PCDHGA7: variants seen among roughly 807,000 people sequenced by gnomAD.
The protein encoded by PCDHGA7 is protocadherin gamma-A7.
PCDHGA7 carries 44 observed loss-of-function variants against 58.3 expected under a neutral mutation model. The ratio of observed to expected loss-of-function variants is 0.75; its 90% CI spans 0.59 to 0.97. The LOEUF (loss-of-function observed/expected upper bound fraction) is 0.97. Among genes scored for constraint, PCDHGA7 ranks in the 50% least tolerant of loss-of-function variants. The pLI is 0.00. For missense variants in PCDHGA7, 1,266 were observed against 1,188.7 expected (o/e 1.06, Z -0.96); for synonymous variants, 516 against 504.2 (o/e 1.02, Z -0.31).
intron 1 of PCDHGA7, chr5:141,400,372 A>G: frequency 6.2e-7 from 1 of 1,613,980 alleles, no homozygotes; most frequent in Non-Finnish European, 8.5e-7. Flanking sequence ...TTATTCCTAC[A>G]ACCTATGTGT....
chr5:141,409,018 G>T lies in PCDHGA7; in HGVS notation c.2424+23695G>T, dbSNP rs369210340. The T allele has an allele frequency of 4.0e-5, 64 of 1,613,814 alleles. No individual in the cohort carries two copies. The Admixed American group carries it at 1.1e-3, about 27-fold the overall frequency. ...TGACAGCCACTGACCAGGATGAGGG[G>T]GTCAATGCTGAGATAAACTACTACT... On this transcript the variant is annotated intron_variant, in intron 1 of 3. Transcript: ENST00000518325.
At chr5:141,427,777 C>A in intron 1 of PCDHGA7, 1 of 1,432,382 alleles carries the variant, frequency 7.0e-7, no homozygotes, top group Non-Finnish European at 9.7e-7. Flanking sequence ...GAGCTGCGGG[C>A]ACTGTCGTCC....
rs564197257 is a variant in PCDHGA7, at chr5:141,458,715, A to G, written c.2425-36092A>G. On this transcript the variant is annotated intron_variant, in intron 1 of 3. Coordinates refer to ENST00000518325, the MANE Select transcript of PCDHGA7 (RefSeq NM_018920.4). ...CTCCCGAGTAGCTGGGATTACAGGT[A>G]TTCGCCACCACATCCAGCTATTGGT... Among the ~76,000 whole-genome samples the G allele has an allele frequency of 3.9e-5, 6 of 152,082 alleles. No homozygotes were observed. The East Asian group carries it at 9.7e-4, about 25-fold the overall frequency.
At chr5:141,401,919 G>A (rs2150915658) in intron 1 of PCDHGA7, among the ~76,000 whole-genome samples, 1 of 152,224 alleles carries the variant, frequency 6.6e-6, no homozygotes, top group Non-Finnish European at 1.5e-5. Context: ...ATAAGTTTAA[G>A]TGATGCTTAG....
chr5:141,477,808 C>T lies in PCDHGA7; in HGVS notation c.2425-16999C>T, dbSNP rs750186099. 2.5e-6 allele frequency: 4 copies of T among 1,613,994 alleles called. No individual in the cohort carries two copies. In the African/African-American group the frequency reaches 4.0e-5, roughly 16 times the overall value. On this transcript the variant is annotated intron_variant, in intron 1 of 3. Coordinates refer to ENST00000518325, the MANE Select transcript of PCDHGA7 (RefSeq NM_018920.4). The surrounding 1 kb of genome is among the most constrained non-coding windows in gnomAD (Gnocchi z 4.9). ...TTGTCACTGATCGCAATGACAATGC[C>T]CCCCAGGTCCTATATCCTCGGCCAG...
rs930695301 is a variant in PCDHGA7, at chr5:141,472,874, T to C, written c.2425-21933T>C. On this transcript the variant is annotated intron_variant, in intron 1 of 3. Coordinates refer to ENST00000518325, the MANE Select transcript of PCDHGA7 (RefSeq NM_018920.4). ...GGTGGCACATGCCTGTATTCCCAGC[T>C]ACTCGGGAGGCTGAGGCAGGAGAAT... Among the ~76,000 whole-genome samples, 5 of 150,448 alleles carry C rather than the reference T, an allele frequency of 3.3e-5. No homozygotes were observed. In the Admixed American group the frequency reaches 3.3e-4, roughly 10 times the overall value.
At chr5:141,412,189 T>C (rs560869081) in intron 1 of PCDHGA7, 21 of 152,370 alleles carry the variant, frequency 1.4e-4, no homozygotes, top group Admixed American at 1.2e-3. Context: ...AATGCTCTGA[T>C]GAAAACAGGT....
At chr5:141,500,582 T>G (rs534297929) in intron 2 of PCDHGA7, among the ~76,000 whole-genome samples, 29 of 152,314 alleles carry the variant, frequency 1.9e-4, no homozygotes, top group African/African-American at 6.7e-4. Flanking sequence ...ATGTGACACT[T>G]TATTCACATA....
chr5:141,450,581 G>A (rs2098686464), intron 1 of PCDHGA7, among the ~76,000 whole-genome samples: 1 of 151,878 alleles, frequency 6.6e-6, no homozygotes, highest in Non-Finnish European at 1.5e-5. Context: ...CTGCCTCCCA[G>A]GTTCAAGCAA....
At chr5:141,488,978 C>T (rs1346335195) in intron 1 of PCDHGA7, 4 of 388,976 alleles carry the variant, frequency 1.0e-5, no homozygotes, top group African/African-American at 2.1e-5. Flanking sequence ...GCCAATCAGA[C>T]TCAGAGCTGA....
rs549266523 is a variant in PCDHGA7 at position 141,408,917 on chromosome 5, C to A, written c.2424+23594C>A. ...TTCTGTCAAGGATACCAATGATAAC[C>A]CCCCGGTTTTCAGCAGAGACGAATA... On this transcript the variant is annotated intron_variant, in intron 1 of 3. Coordinates refer to ENST00000518325, the MANE Select transcript of PCDHGA7 (RefSeq NM_018920.4). 12 of 1,613,366 alleles carry A rather than the reference C, an allele frequency of 7.4e-6. No homozygotes were observed. In the African/African-American group the frequency reaches 1.6e-4, roughly 22 times the overall value.
At chr5:141,427,838 C>T (rs978867590) in intron 1 of PCDHGA7, 4 of 1,546,186 alleles carry the variant, frequency 2.6e-6, no homozygotes, top group Non-Finnish European at 1.8e-6. Flanking sequence ...AGCGTGCCTT[C>T]GACCACGAGC....
Position 141,431,336 on chromosome 5 carries a change from G to C in PCDHGA7, c.2424+46013G>C, listed in dbSNP as rs1187672228. ...TGGAGCCGACGGTAGTAAGTACCCC[G>C]AATTGGTGCTGAAACGCGCCCTGGA... On this transcript the variant is annotated intron_variant, in intron 1 of 3. Transcript: ENST00000518325. The surrounding 1 kb of genome is among the most constrained non-coding windows in gnomAD (Gnocchi z 4.8). 2.5e-6 allele frequency: 4 copies of C among 1,613,956 alleles called. No individual in the cohort carries two copies. The East Asian group carries it at 6.7e-5, about 27-fold the overall frequency.
chr5:141,471,204 C>T (rs1349368582), intron 1 of PCDHGA7: 2 of 151,866 alleles, frequency 1.3e-5, no homozygotes, highest in African/African-American at 4.8e-5. Flanking sequence ...CACCCACCCC[C>T]ATGCCTGGCA....
intron 1 of PCDHGA7, chr5:141,427,308 G>A (rs2097014480): frequency 2.2e-6 from 1 of 456,846 alleles, no homozygotes; most frequent in Non-Finnish European, 4.4e-6. Flanking sequence ...GAATGACAAT[G>A]CCCCAGACGT....
chr5:141,415,740 GTTTTTTTTTTTTTTTTT>G (rs57426385), intron 1 of PCDHGA7: 62 of 625,030 alleles, frequency 9.9e-5, no homozygotes, highest in East Asian at 4.1e-4. Flanking sequence ...GTTTATTAAG[GTTTTTTTTTTTTTTTTT>G]TTTTTTTTTT....
intron 1 of PCDHGA7, chr5:141,389,177 C>G: frequency 1.2e-6 from 2 of 1,614,052 alleles, no homozygotes; most frequent in Non-Finnish European, 1.7e-6. Flanking sequence ...CTCCCCTCTC[C>G]TCCAGTTCCA....
chr5:141,494,977 T>C, intron 2 of PCDHGA7, 112 bp downstream of exon 2: 1 of 1,574,332 alleles, frequency 6.4e-7, no homozygotes, highest in East Asian at 2.3e-5. Context: ...TCTCCCTCAG[T>C]TTGAGATCCC....
chr5:141,428,251 T>G, intron 1 of PCDHGA7: 2 of 893,496 alleles, frequency 2.2e-6, no homozygotes, highest in Non-Finnish European at 3.6e-6. Context: ...ACTGCCAGAC[T>G]TCAGTGACAG....
Sources: gnomAD v4.1 joint callset for allele counts (sites outside exome capture counted in the v4.1 genomes callset) on GRCh38, gnomAD v4.1.1 for gene constraint, Gnocchi (gnomAD v3.1) non-coding constraint, MANE v1.5 for transcripts, NCBI Gene and HGNC (gene_info 2026-07-23, HGNC 2026-07-21) for gene names.